The following ZNF276 variants were observed in gnomAD, a reference collection of about 807,000 sequenced individuals.
The protein encoded by ZNF276 is zinc finger protein 276, also known as centromere protein Z.
In ZNF276, 59 loss-of-function variants were observed where a neutral mutation model predicts 63.9. The ratio of observed to expected loss-of-function variants is 0.92; its 90% confidence interval spans 0.75 to 1.15. ZNF276 has a LOEUF of 1.15. ZNF276 is among the 50% of genes most tolerant of loss of function. The pLI is 0.00. For missense variants in ZNF276, 1,084 were observed against 843.8 expected, an observed-to-expected ratio of 1.28 and a Z score of -3.53; for synonymous variants, 496 against 348.4, an observed-to-expected ratio of 1.42 and a Z score of -4.72.
At position 89,739,884 on chromosome 16, in the gene ZNF276, A is replaced by G. The variant is rs752564524; in HGVS notation, c.*1638A>G. 3.2e-6 allele frequency: 5 copies of G among 1,562,804 alleles called. No homozygotes were observed. The Middle Eastern group carries it at 6.9e-4, about 216-fold the overall frequency. The stretch of plus-strand genomic sequence containing the variant: ...ATCTGTCCCAACTAAAATGGAGCTT[A>G]TAAACTTACTTAGCAAGGAACCTCA... On this transcript the variant is annotated 3_prime_UTR_variant, in exon 11 of 11. Coordinates refer to ENST00000443381, the MANE Select transcript of ZNF276 (RefSeq NM_001113525.2).
chr16:89,722,540 G>A lies in ZNF276; in HGVS notation c.215G>A (p.Arg72Gln). 6.2e-7 allele frequency: 1 copy of A among 1,611,202 alleles called. No individual in the cohort carries two copies. Among genetic ancestry groups the A allele is most frequent in the Non-Finnish European group, 8.5e-7 (1 of 1,179,220 alleles). The change falls in exon 2 of 11, where the codon CGG (arginine) becomes CAG (glutamine). Residue 72 changes from arginine to glutamine, a missense_variant. By Grantham distance (43) the Arg-to-Gln change is conservative. Coordinates refer to ENST00000443381, the MANE Select transcript of ZNF276 (RefSeq NM_001113525.2). ...CTGCCGCTCTGTGCAGGAGCAGGCC[G>A]GGCTCTCGCCATGGGTCACTGTCGC... ...EDGADEAGAG[R>Q]ALAMGHCRLC...
At chr16:89,730,090 A>G (rs1225122296) in intron 6 of ZNF276, among the ~76,000 whole-genome samples, 1 of 152,188 alleles carries the variant, frequency 6.6e-6, no homozygotes, top group Non-Finnish European at 1.5e-5. Flanking sequence ...TGAGAGGTCA[A>G]CGGCCTTTTT....
At chr16:89,723,229 T>C in intron 3 of ZNF276, 31 bp from the exon 4 acceptor site, 3 of 1,613,252 alleles carry the variant, frequency 1.9e-6, no homozygotes, top group Non-Finnish European at 2.5e-6. Flanking sequence ...CGACCAGCCG[T>C]GGATCTGACA....
chr16:89,733,586 C>A, intron 8 of ZNF276, 29 bp downstream of exon 8: 1 of 1,611,184 alleles, frequency 6.2e-7, no homozygotes, highest in Non-Finnish European at 8.5e-7. Flanking sequence ...TGACCCAGGC[C>A]CGGCAGCTGT....
rs143772894 is a variant in ZNF276, at chr16:89,740,831, G to C, written c.*2585G>C. ...TTGAGGTCAGATGTGACGACAGCAG[G>C]CCCATCAAGGAGAAGAAGAAAAGGA... On this transcript the variant is annotated 3_prime_UTR_variant, in exon 11 of 11. Transcript: ENST00000443381. 3.7e-6 allele frequency: 6 copies of C among 1,613,430 alleles called. No homozygotes were observed. The Admixed American group carries it at 5.0e-5, about 13-fold the overall frequency.
chr16:89,740,277 T>G lies in ZNF276; in HGVS notation c.*2031T>G. 1.6e-6 allele frequency: 1 copy of G among 643,384 alleles called. No homozygotes were observed. Among genetic ancestry groups the G allele is most frequent in the South Asian group, 1.7e-5 (1 of 59,738 alleles). 39.9% of individuals were successfully genotyped at this position (643,384 alleles called of 1,614,324 possible). A position where few individuals can be genotyped will look rare whatever the true frequency, so the allele number is the denominator to read the frequency against. ...GGCCTCTGGACAGAAGAGGCTCAGGTAGGAGGCCAGGGACTTCGAGCACCC... is the reference window on the plus strand; with the variant it reads ...GGCCTCTGGACAGAAGAGGCTCAGGGAGGAGGCCAGGGACTTCGAGCACCC... On this transcript the variant is annotated 3_prime_UTR_variant, in exon 11 of 11. Coordinates refer to ENST00000443381, the MANE Select transcript of ZNF276 (RefSeq NM_001113525.2).
chr16:89,740,315 C>T lies in ZNF276; in HGVS notation c.*2069C>T. On this transcript the variant is annotated 3_prime_UTR_variant, in exon 11 of 11. Coordinates refer to ENST00000443381, the MANE Select transcript of ZNF276 (RefSeq NM_001113525.2). ...ACTTCGAGCACCCACACCAAGGCTGCTGCACCACGTCCTCAAATAAGACAT... is the reference window on the plus strand; with the variant it reads ...ACTTCGAGCACCCACACCAAGGCTGTTGCACCACGTCCTCAAATAAGACAT... The T allele has an allele frequency of 1.7e-6, 1 of 581,246 alleles. No homozygotes were observed. The highest frequency in any genetic ancestry group is 3.1e-6 in the Non-Finnish European group (1 of 325,118). The allele number at this position is 581,246 out of a possible 1,614,324, so 36.0% of individuals were successfully genotyped here.
chr16:89,739,626 G>A lies in ZNF276; in HGVS notation c.*1380G>A, dbSNP rs2062074531. 1.2e-5 allele frequency: 18 copies of A among 1,523,320 alleles called. No individual in the cohort carries two copies. Among genetic ancestry groups the A allele is most frequent in the Non-Finnish European group, 5.3e-6 (6 of 1,122,566 alleles). 94.4% of individuals were successfully genotyped at this position (1,523,320 alleles called of 1,614,324 possible). Reference sequence around the variant, plus strand: ...TTATCAGTGCTGGGGACACCCCTGGGGGTCGGGACGTGTACCCTGGGAGGC... The same window carrying A: ...TTATCAGTGCTGGGGACACCCCTGGAGGTCGGGACGTGTACCCTGGGAGGC... On this transcript the variant is annotated 3_prime_UTR_variant, in exon 11 of 11. Transcript: ENST00000443381.
At chr16:89,737,577 TAA>T in intron 9 of ZNF276, 1 of 756,012 alleles carries the variant, frequency 1.3e-6, no homozygotes, top group Non-Finnish European at 2.0e-6. Context: ...GAGGTTTCTT[TAA>T]AAACCATCCT....
At position 89,737,986 on chromosome 16, in the gene ZNF276, T is replaced by C; in HGVS notation, c.1585T>C (p.Cys529Arg). 6.2e-7 allele frequency: 1 copy of C among 1,614,174 alleles called. No homozygotes were observed. Among genetic ancestry groups the C allele is most frequent in the Non-Finnish European group, 8.5e-7 (1 of 1,180,032 alleles). Residue 529 changes from cysteine (C) to arginine (R), a missense_variant, in exon 11 of 11, where the codon TGT (cysteine) becomes CGT (arginine). Transcript: ENST00000443381. Reference protein sequence around the residue: ...SGAKPLQCEVCGFQCRQRASL... With the variant: ...SGAKPLQCEVRGFQCRQRASL... ...GCCTCTGTCCCCCAGGTGTGAGGTC[T>C]GTGGGTTCCAGTGCAGGCAGCGGGC...
rs1337193716 is a variant in ZNF276 at position 89,739,877 on chromosome 16, G to A, written c.*1631G>A. On this transcript the variant is annotated 3_prime_UTR_variant, in exon 11 of 11. Coordinates refer to ENST00000443381, the MANE Select transcript of ZNF276 (RefSeq NM_001113525.2). ...GTGCTTAATCTGTCCCAACTAAAAT[G>A]GAGCTTATAAACTTACTTAGCAAGG... The A allele has an allele frequency of 6.4e-7, 1 of 1,552,750 alleles. No homozygotes were observed. Among genetic ancestry groups the A allele is most frequent in the African/African-American group, 1.4e-5 (1 of 72,892 alleles).
At chr16:89,725,096 TA>T in intron 4 of ZNF276, among the ~76,000 whole-genome samples, 2 of 149,928 alleles carry the variant, frequency 1.3e-5, no homozygotes, top group African/African-American at 2.5e-5. Flanking sequence ...GTATTTTTAG[TA>T]GAGATGGGGT....
chr16:89,722,927 C>T (rs1597962927), intron 2 of ZNF276, 93 bp downstream of exon 2: 3 of 1,557,374 alleles, frequency 1.9e-6, no homozygotes, highest in African/African-American at 1.3e-5. Flanking sequence ...CCGCGGGAGC[C>T]TCTGGGTGGG....
Position 89,723,271 on chromosome 16 carries a change from A to C in ZNF276, c.568A>C (p.Thr190Pro), listed in dbSNP as rs2061365543. The change falls in exon 4 of 11, where the codon ACA (threonine) becomes CCA (proline). Residue 190 changes from threonine to proline, a missense_variant. Physicochemically the swap from Thr to Pro is conservative, Grantham distance 38. Transcript: ENST00000443381. The part of the protein sequence containing the change: ...EEGACLVDLI[T>P]SSPQCLHGLV... ...TTGACTCTCTGCAGTGGATCTGATCACATCCAGCCCCCAGTGCCTGCACGG... is the reference window on the plus strand; with the variant it reads ...TTGACTCTCTGCAGTGGATCTGATCCCATCCAGCCCCCAGTGCCTGCACGG... 6.2e-7 allele frequency: 1 copy of C among 1,613,058 alleles called. No individual in the cohort carries two copies. Among genetic ancestry groups the C allele is most frequent in the Non-Finnish European group, 8.5e-7 (1 of 1,179,942 alleles).
At position 89,733,901 on chromosome 16, in the gene ZNF276, T is replaced by C. The variant is rs766591573; in HGVS notation, c.1357-20T>C. 18 of 1,610,976 alleles carry C rather than the reference T, an allele frequency of 1.1e-5. No individual in the cohort carries two copies. The highest frequency in any genetic ancestry group is 1.4e-5 in the Non-Finnish European group (17 of 1,177,752). On this transcript the variant is annotated intron_variant, in intron 8 of 10. Coordinates refer to ENST00000443381, the MANE Select transcript of ZNF276 (RefSeq NM_001113525.2). Reference sequence around the variant, plus strand: ...GCCCGGGTGCGGCTCTGAGGGTCTCTCACCGAGTCTCTCCTTCAGAAGCAC... The same window carrying C: ...GCCCGGGTGCGGCTCTGAGGGTCTCCCACCGAGTCTCTCCTTCAGAAGCAC...
At chr16:89,728,408 T>A (rs76840125) in intron 5 of ZNF276, among the ~76,000 whole-genome samples, 1 of 148,952 alleles carries the variant, frequency 6.7e-6, no homozygotes, top group South Asian at 2.1e-4. Context: ...TATTTATTTA[T>A]TTTTTTTTTA....
chr16:89,731,335 C>A (rs1456691950), intron 6 of ZNF276, among the ~76,000 whole-genome samples: 1 of 152,220 alleles, frequency 6.6e-6, no homozygotes, highest in Non-Finnish European at 1.5e-5. Context: ...CTCACTGCAA[C>A]CTCCGCCTCC....
intron 9 of ZNF276, among the ~76,000 whole-genome samples, chr16:89,735,894 TG>T (rs1401721078): frequency 2.4e-4 from 33 of 138,450 alleles, no homozygotes; most frequent in South Asian, 1.0e-3. Context: ...TTTTTTTGTT[TG>T]TTTGTTTGTT....
intron 6 of ZNF276, among the ~76,000 whole-genome samples, chr16:89,730,670 C>A (rs769087900): frequency 6.6e-6 from 1 of 152,134 alleles, no homozygotes; most frequent in African/African-American, 2.4e-5. Context: ...GAAACCGCTG[C>A]GCAGGAGGCA....
Sources: allele counts gnomAD v4.1 joint callset (sites outside exome capture counted in the v4.1 genomes callset), GRCh38; gene constraint gnomAD v4.1.1; transcripts MANE v1.5; gene names NCBI Gene and HGNC (gene_info 2026-07-23, HGNC 2026-07-21).